Variants in CUX1 observed in about 807,000 individuals in gnomAD.
CUX1 encodes the protein protein CASP.
A neutral mutation model predicts 158.8 loss-of-function variants in CUX1; 31 were observed. The ratio of observed to expected loss-of-function variants is 0.20; its 90% CI spans 0.15 to 0.26. The LOEUF (loss-of-function observed/expected upper bound fraction) is 0.26. CUX1 is among the 10% of genes least tolerant of loss of function. The pLI, the probability that CUX1 is intolerant of heterozygous loss-of-function variation, is 1.00. For missense variants in CUX1, 1,589 were observed against 2,014.6 expected, an observed-to-expected ratio of 0.79 and a Z score of 4.04; for synonymous variants, 879 against 862.1, an observed-to-expected ratio of 1.02 and a Z score of -0.34.
intron 1 of CUX1, among the ~76,000 whole-genome samples, chr7:101,845,289 TC>T (rs1795573784): frequency 6.6e-6 from 1 of 152,138 alleles, no homozygotes; most frequent in Non-Finnish European, 1.5e-5. Context: ...CCTGACCTGT[TC>T]TCTGTATCTC....
At chr7:101,836,977 G>A (rs1217602528) in intron 1 of CUX1, among the ~76,000 whole-genome samples, 1 of 152,156 alleles carries the variant, frequency 6.6e-6, no homozygotes, top group Non-Finnish European at 1.5e-5. Flanking sequence ...ATTTTTCTGT[G>A]GCCTGGGAAA....
intron 1 of CUX1, among the ~76,000 whole-genome samples, chr7:101,878,650 C>T (rs1196825097): frequency 2.0e-5 from 3 of 151,854 alleles, no homozygotes; most frequent in Non-Finnish European, 2.9e-5. Context: ...AAAAAAAAGA[C>T]GCACCAGCGG....
intron 23 of CUX1, among the ~76,000 whole-genome samples, chr7:102,247,604 G>T (rs1332537740): frequency 6.6e-6 from 1 of 152,040 alleles, no homozygotes; most frequent in Non-Finnish European, 1.5e-5. Context: ...CAGGAAGATT[G>T]CTTGAGCCCA....
intron 5 of CUX1, among the ~76,000 whole-genome samples, chr7:102,103,939 T>A (rs1434237895): frequency 1.3e-5 from 2 of 152,118 alleles, no homozygotes; most frequent in Non-Finnish European, 2.9e-5. Context: ...ATGAACTATT[T>A]TTTTTCTGAG....
chr7:102,062,310 A>G (rs1410858513), intron 3 of CUX1, among the ~76,000 whole-genome samples: 1 of 152,112 alleles, frequency 6.6e-6, no homozygotes, highest in Non-Finnish European at 1.5e-5. Flanking sequence ...GAGCGGCAGC[A>G]GCATATTCCA....
At chr7:102,178,870 C>T (rs947765414) in intron 11 of CUX1, among the ~76,000 whole-genome samples, 1 of 152,098 alleles carries the variant, frequency 6.6e-6, no homozygotes, top group Non-Finnish European at 1.5e-5. Context: ...CAGCATTTCC[C>T]TCTTTTTTTT....
At chr7:102,031,139 A>G (rs1053872162) in intron 3 of CUX1, among the ~76,000 whole-genome samples, 1 of 151,670 alleles carries the variant, frequency 6.6e-6, no homozygotes, top group Non-Finnish European at 1.5e-5. Context: ...GCTCACCACA[A>G]CCTCCACCTC....
At chr7:102,105,621 T>C (rs1172384866) in intron 6 of CUX1, among the ~76,000 whole-genome samples, 1 of 150,026 alleles carries the variant, frequency 6.7e-6, no homozygotes, top group African/African-American at 2.4e-5. Context: ...CAAGTGATTC[T>C]CCTGCCTCAG....
At chr7:102,185,876 C>A (rs182378072) in intron 11 of CUX1, among the ~76,000 whole-genome samples, 1 of 152,222 alleles carries the variant, frequency 6.6e-6, no homozygotes, top group East Asian at 1.9e-4. Context: ...ACTGTAGGAC[C>A]CCAGAGATTT....
chr7:102,024,037 G>T (rs907166106), intron 2 of CUX1, among the ~76,000 whole-genome samples: 1 of 152,232 alleles, frequency 6.6e-6, no homozygotes, highest in Non-Finnish European at 1.5e-5. Flanking sequence ...ACAGAATATA[G>T]AAATAATTGT....
intron 2 of CUX1, among the ~76,000 whole-genome samples, chr7:101,923,379 G>A (rs1276275958): frequency 6.6e-6 from 1 of 152,206 alleles, no homozygotes; most frequent in Non-Finnish European, 1.5e-5. Context: ...TCTGATGGGA[G>A]AAAAGAGAGG....
downstream of CUX1, among the ~76,000 whole-genome samples, chr7:102,262,308 G>C (rs1039926127): frequency 2.0e-5 from 3 of 152,150 alleles, no homozygotes; most frequent in Admixed American, 1.3e-4. Context: ...TGAGGCAGGA[G>C]AATCGCTTGA....
At position 102,252,925 on chromosome 7, in the gene CUX1, T is replaced by C. The variant is rs1801667120; in HGVS notation, c.*3883T>C. The C allele has an allele frequency of 6.1e-6, 6 of 985,332 alleles. 1 individual carries two copies. The Middle Eastern group carries it at 1.5e-3, about 254-fold the overall frequency. The allele number at this position is 985,332 out of a possible 1,614,324, so 61.0% of individuals were successfully genotyped here. ...CTTCTAAGCGTCTCCTGGGACAGGA[T>C]TGGGGTGACAGCCCAGGGATGCATG... On this transcript the variant is annotated 3_prime_UTR_variant, in exon 24 of 24. Transcript: ENST00000292535.
intron 2 of CUX1, among the ~76,000 whole-genome samples, chr7:101,975,056 T>C (rs970116577): frequency 1.3e-4 from 20 of 152,056 alleles, no homozygotes; most frequent in African/African-American, 4.8e-4. Flanking sequence ...GAGACCAGCC[T>C]GGCCAACATG....
At chr7:101,828,511 A>G (rs113072744) in intron 1 of CUX1, among the ~76,000 whole-genome samples, 3 of 152,272 alleles carry the variant, frequency 2.0e-5, no homozygotes, top group Admixed American at 2.0e-4. Flanking sequence ...GAACGGGGAA[A>G]GTGCATGTTG....
At chr7:101,835,377 G>T (rs953414575) in intron 1 of CUX1, among the ~76,000 whole-genome samples, 32 of 152,062 alleles carry the variant, frequency 2.1e-4, no homozygotes, top group African/African-American at 7.2e-4. Flanking sequence ...GGCATACCAG[G>T]TTTTGTGTAT....
chr7:101,878,648 G>A (rs1799406109), intron 1 of CUX1, among the ~76,000 whole-genome samples: 2 of 151,872 alleles, frequency 1.3e-5, no homozygotes. Context: ...AGAAAAAAAA[G>A]ACGCACCAGC....
At chr7:102,274,440 G>A in intron 16 of CUX1, 1 of 712,000 alleles carries the variant, frequency 1.4e-6, no homozygotes, top group Non-Finnish European at 2.3e-6. Context: ...CGCCTGCAAT[G>A]CAGCAGCAAC....
At chr7:102,149,212 T>C (rs1835348851) in intron 8 of CUX1, among the ~76,000 whole-genome samples, 1 of 152,162 alleles carries the variant, frequency 6.6e-6, no homozygotes, top group East Asian at 1.9e-4. Context: ...TCTATCCCAG[T>C]GTCCCCTGCT....
Sources: allele counts gnomAD v4.1 joint callset (sites outside exome capture counted in the v4.1 genomes callset), GRCh38; gene constraint gnomAD v4.1.1; transcripts MANE v1.5; gene names NCBI Gene and HGNC (gene_info 2026-07-23, HGNC 2026-07-21).